APCDD1L: variants seen among roughly 807,000 people sequenced by gnomAD.
APCDD1L encodes the protein protein APCDD1-like.
Under a neutral mutation model 24.2 loss-of-function variants are expected in APCDD1L, and 21 were observed. The observed-to-expected ratio is 0.87, with a 90% CI of 0.61 to 1.25. APCDD1L has a LOEUF of 1.25. Ranked by LOEUF, APCDD1L falls within the 50% of genes most tolerant of loss-of-function variation. The pLI is 0.00. For synonymous variants in APCDD1L, 321 were observed against 323.6 expected (o/e 0.99, Z 0.09); for missense variants, 704 against 711.7 (o/e 0.99, Z 0.12).
intron 1 of APCDD1L, among the ~76,000 whole-genome samples, chr20:58,507,640 C>A (rs1990547546): frequency 6.6e-6 from 1 of 152,288 alleles, no homozygotes; most frequent in South Asian, 2.1e-4. Flanking sequence ...CCCATGCACC[C>A]TTGCACAGGT....
intron 1 of APCDD1L, among the ~76,000 whole-genome samples, chr20:58,481,089 G>A (rs1990016666): frequency 1.3e-5 from 2 of 152,258 alleles, no homozygotes; most frequent in South Asian, 4.1e-4. Flanking sequence ...GGAGGAGCCG[G>A]TGAGGGGATG....
intron 2 of APCDD1L, among the ~76,000 whole-genome samples, chr20:58,468,524 T>G (rs1283875086): frequency 6.6e-6 from 1 of 152,124 alleles, no homozygotes; most frequent in Non-Finnish European, 1.5e-5. Flanking sequence ...GCAGGCACCC[T>G]CCTCACGATT....
intron 1 of APCDD1L, among the ~76,000 whole-genome samples, chr20:58,483,344 C>T (rs1990061124): frequency 6.6e-6 from 1 of 151,920 alleles, no homozygotes; most frequent in South Asian, 2.1e-4. Flanking sequence ...AGGGAGCTTG[C>T]AGGGGGTGAG....
Position 58,494,093 on chromosome 20 carries a change from T to C in APCDD1L, c.49+20566A>G, listed in dbSNP as rs937657718. Among the ~76,000 whole-genome samples, 92 of 152,190 alleles carry C rather than the reference T, an allele frequency of 6.0e-4. No homozygotes were observed. Among genetic ancestry groups the C allele is most frequent in the African/African-American group, 2.1e-3 (88 of 41,532 alleles). The stretch of plus-strand genomic sequence containing the variant: ...TTAGGATTCATTAGCTGGAAGCGGA[T>C]CATCATAAAGGTCTTCATCCTCATC... On this transcript the variant is annotated intron_variant, in intron 1 of 3. Transcript: ENST00000371149. The surrounding 1 kb of genome is among the most constrained non-coding windows in gnomAD (Gnocchi z 4.8).
intron 2 of APCDD1L, among the ~76,000 whole-genome samples, chr20:58,468,225 T>A (rs1452136308): frequency 6.6e-6 from 1 of 152,214 alleles, no homozygotes; most frequent in African/African-American, 2.4e-5. Flanking sequence ...CTGCAACTAC[T>A]CAAAGTTGCC....
Position 58,467,583 on chromosome 20 carries a change from G to A in APCDD1L, c.264C>T (p.His88=). ...TFYPSRLFRA[H]QFYYEDPFCG... is the part of the protein sequence containing the mutation. ...AGAAGGGGTCCTCGTAGTAGAACTGGTGGGCTCGAAAGAGCCGGCTGGGGT... is the reference window on the plus strand; with the variant it reads ...AGAAGGGGTCCTCGTAGTAGAACTGATGGGCTCGAAAGAGCCGGCTGGGGT... The change falls in exon 3 of 4, where the codon CAC becomes CAT. Residue 88 remains histidine, a synonymous_variant. Coordinates refer to ENST00000371149, the MANE Select transcript of APCDD1L (RefSeq NM_153360.3). The surrounding 1 kb of genome is among the most constrained non-coding windows in gnomAD (Gnocchi z 5.9). The A allele has an allele frequency of 6.4e-7, 1 of 1,568,080 alleles. No homozygotes were observed. The highest frequency in any genetic ancestry group is 8.7e-7 in the Non-Finnish European group (1 of 1,155,070).
At chr20:58,500,692 C>T (rs1990418749) in intron 1 of APCDD1L, among the ~76,000 whole-genome samples, 2 of 152,156 alleles carry the variant, frequency 1.3e-5, no homozygotes, top group South Asian at 4.1e-4. Flanking sequence ...CCTTTCGGCT[C>T]ACACCCTCAC....
intron 2 of APCDD1L, 87 bp downstream of exon 2, chr20:58,470,522 T>G (rs1989789727): frequency 6.9e-7 from 1 of 1,458,072 alleles, no homozygotes; most frequent in Non-Finnish European, 9.1e-7. Flanking sequence ...ATGTGAATTA[T>G]GCCCATTTCA....
intron 1 of APCDD1L, among the ~76,000 whole-genome samples, chr20:58,487,001 AC>A (rs1990131272): frequency 6.6e-6 from 1 of 151,856 alleles, no homozygotes; most frequent in Non-Finnish European, 1.5e-5. Flanking sequence ...AGCTGGGATT[AC>A]AGGCACACAC....
intron 1 of APCDD1L, among the ~76,000 whole-genome samples, chr20:58,491,948 G>A (rs1280524451): frequency 1.3e-5 from 2 of 152,206 alleles, no homozygotes; most frequent in Non-Finnish European, 2.9e-5. Context: ...TAGTTTACAG[G>A]ATTGCTGCTA....
At chr20:58,466,394 C>G (rs1041386675) in intron 3 of APCDD1L, among the ~76,000 whole-genome samples, 1 of 152,244 alleles carries the variant, frequency 6.6e-6, no homozygotes, top group East Asian at 1.9e-4. Flanking sequence ...GCCCAGGCCA[C>G]GTGGCTTCGC....
At position 58,467,346 on chromosome 20, in the gene APCDD1L, G is replaced by A. The variant is rs138812561; in HGVS notation, c.501C>T (p.Ala167=). 432 of 1,482,972 alleles carry A rather than the reference G, an allele frequency of 2.9e-4. No homozygotes were observed. Among genetic ancestry groups the A allele is most frequent in the Non-Finnish European group, 3.0e-4 (342 of 1,125,400 alleles). The allele number at this position is 1,482,972 out of a possible 1,614,324, so 91.9% of individuals were successfully genotyped here. Residue 167 remains alanine (A), a synonymous_variant, in exon 3 of 4, where the codon GCC becomes GCT. Transcript: ENST00000371149. This position sits in a 1 kb window ranked among gnomAD's most constrained non-coding sequence, Gnocchi z 5.9. ...GCTCGTACAGCGCCCCAGGCAGCCA[G>A]GCCCGGGCCGGAGGCAGCCGCCGCG... is the stretch of plus-strand genomic sequence containing the variant. ...DCARRLPPAR[A]WLPGALYELR... is the part of the protein sequence containing the mutation.
At chr20:58,482,354 C>G (rs117833034) in intron 1 of APCDD1L, among the ~76,000 whole-genome samples, 10 of 152,036 alleles carry the variant, frequency 6.6e-5, no homozygotes, top group African/African-American at 2.4e-4. Flanking sequence ...GGAGAAAGAC[C>G]GGCTATAAGT....
chr20:58,488,457 C>G (rs1358502839), intron 1 of APCDD1L, among the ~76,000 whole-genome samples: 1 of 152,164 alleles, frequency 6.6e-6, no homozygotes, highest in African/African-American at 2.4e-5. Flanking sequence ...TTTACAAAAA[C>G]TGTCCCCATA....
At chr20:58,465,290 G>A (rs1034310113) in intron 3 of APCDD1L, among the ~76,000 whole-genome samples, 7 of 152,152 alleles carry the variant, frequency 4.6e-5, no homozygotes, top group Non-Finnish European at 1.0e-4. Context: ...TGAGAACTTC[G>A]TGTCGTGCTC....
chr20:58,483,599 A>G (rs924846317), intron 1 of APCDD1L, among the ~76,000 whole-genome samples: 2 of 152,240 alleles, frequency 1.3e-5, no homozygotes, highest in African/African-American at 4.8e-5. Flanking sequence ...GTGGAGAGAA[A>G]TGTTGACTCA....
At position 58,461,706 on chromosome 20, in the gene APCDD1L, T is replaced by TCAGGACGACCTCCTTGCTTCAGC; in HGVS notation, c.742-175_742-153dup. The TCAGGACGACCTCCTTGCTTCAGC allele has an allele frequency of 1.3e-6, 1 of 779,596 alleles. No individual in the cohort carries two copies. The highest frequency in any genetic ancestry group is 1.8e-6 in the Non-Finnish European group (1 of 565,856). The allele number at this position is 779,596 out of a possible 1,614,324, so 48.3% of individuals were successfully genotyped here. On this transcript the variant is annotated intron_variant, in intron 3 of 3. Transcript: ENST00000371149. The surrounding 1 kb of genome is among the most constrained non-coding windows in gnomAD (Gnocchi z 6.0). ...CTCTCTCCTCACTCCCTGCCTTCAGTCAGGACGACCTCCTTGCTTCAGCCA... is the reference window on the plus strand; with the variant it reads ...CTCTCTCCTCACTCCCTGCCTTCAGTCAGGACGACCTCCTTGCTTCAGCCAGGACGACCTCCTTGCTTCAGCCA...
chr20:58,467,309 G>T lies in APCDD1L; in HGVS notation c.538C>A (p.Arg180=). The part of the protein sequence containing the change: ...PGALYELRSA[R]AQGDCLEALG... ...GCCTCCAGGCAGTCCCCCTGAGCCC[G>T]GGCGCTCCGCAGCTCGTACAGCGCC... The change falls in exon 3 of 4, where the codon CGG becomes AGG. Residue 180 remains arginine (R), a synonymous_variant. Coordinates refer to ENST00000371149, the MANE Select transcript of APCDD1L (RefSeq NM_153360.3). The surrounding 1 kb of genome is among the most constrained non-coding windows in gnomAD (Gnocchi z 5.9). 1 of 1,526,682 alleles carries T rather than the reference G, an allele frequency of 6.6e-7. No homozygotes were observed. The highest frequency in any genetic ancestry group is 2.0e-5 in the Admixed American group (1 of 50,268). The allele number at this position is 1,526,682 out of a possible 1,614,324, so 94.6% of individuals were successfully genotyped here.
chr20:58,485,075 T>C (rs1387649060), intron 1 of APCDD1L, among the ~76,000 whole-genome samples: 1 of 152,122 alleles, frequency 6.6e-6, no homozygotes, highest in East Asian at 1.9e-4. Flanking sequence ...GACAAAATAG[T>C]ATTCCATTAT....
Sources: allele counts gnomAD v4.1 joint callset (sites outside exome capture counted in the v4.1 genomes callset), GRCh38; gene constraint gnomAD v4.1.1; non-coding constraint Gnocchi (gnomAD v3.1); transcripts MANE v1.5; gene names NCBI Gene and HGNC (gene_info 2026-07-23, HGNC 2026-07-21).